Variants in ZRANB3 observed in about 807,000 individuals in gnomAD.
ZRANB3 encodes the protein zinc finger RANBP2-type containing 3.
A neutral mutation model predicts 133.8 loss-of-function variants in ZRANB3; 125 were observed. That is an observed-to-expected ratio of 0.93 (90% CI 0.81 to 1.08). The LOEUF (loss-of-function observed/expected upper bound fraction) is 1.08, where lower values mean the gene tolerates loss of function less well. Among genes scored for constraint, ZRANB3 ranks in the 50% least tolerant of loss-of-function variants. The pLI is 0.00. For missense variants in ZRANB3, 1,229 were observed against 1,275.5 expected (o/e 0.96, Z 0.56); for synonymous variants, 387 against 432.7 (o/e 0.89, Z 1.31).
At chr2:135,382,131 T>C (rs1009820661) in intron 3 of ZRANB3, among the ~76,000 whole-genome samples, 4 of 151,952 alleles carry the variant, frequency 2.6e-5, no homozygotes, top group African/African-American at 9.7e-5. Context: ...GAATAACCAA[T>C]GCAGAGAAGT....
intron 8 of ZRANB3, among the ~76,000 whole-genome samples, chr2:135,309,671 T>C (rs1682880112): frequency 6.6e-6 from 1 of 152,122 alleles, no homozygotes. Flanking sequence ...TGGATAAATC[T>C]AACAAAATGT....
intron 3 of ZRANB3, among the ~76,000 whole-genome samples, chr2:135,374,015 T>G (rs573732365): frequency 6.6e-6 from 1 of 152,090 alleles, no homozygotes; most frequent in Non-Finnish European, 1.5e-5. Context: ...TGGTCCAGTG[T>G]GATGTAAACA....
intron 13 of ZRANB3, chr2:135,228,396 A>C (rs989551048): frequency 6.0e-6 from 1 of 167,142 alleles, no homozygotes; most frequent in Non-Finnish European, 1.3e-5. Flanking sequence ...GAGGAGTCCC[A>C]TTTGAGCTGA....
intron 5 of ZRANB3, 59 bp from the exon 6 acceptor site, chr2:135,345,694 AATG>A: frequency 8.1e-7 from 1 of 1,241,782 alleles, no homozygotes; most frequent in East Asian, 2.5e-5. Context: ...TTATTATTAC[AATG>A]ATAAAACCAT....
At chr2:135,469,694 T>C (rs1232470584) in intron 2 of ZRANB3, among the ~76,000 whole-genome samples, 2 of 152,028 alleles carry the variant, frequency 1.3e-5, no homozygotes, top group Non-Finnish European at 2.9e-5. Context: ...CCAAACAATA[T>C]TTTGGATAAT....
At chr2:135,394,532 A>G (rs1687388266) in intron 2 of ZRANB3, among the ~76,000 whole-genome samples, 1 of 152,154 alleles carries the variant, frequency 6.6e-6, no homozygotes, top group Non-Finnish European at 1.5e-5. Context: ...TCAAGAGACT[A>G]GATGTGATCA....
intron 2 of ZRANB3, among the ~76,000 whole-genome samples, chr2:135,493,172 T>G (rs1425603270): frequency 1.4e-5 from 1 of 69,350 alleles, no homozygotes; most frequent in Non-Finnish European, 3.0e-5. Context: ...TATATATATA[T>G]AAATAGAAAA....
At chr2:135,297,053 A>C (rs542025874) in intron 8 of ZRANB3, among the ~76,000 whole-genome samples, 1 of 152,336 alleles carries the variant, frequency 6.6e-6, no homozygotes, top group Admixed American at 6.5e-5. Flanking sequence ...CAGTCTGCCC[A>C]TTCTCAGATC....
chr2:135,209,122 G>A, intron 17 of ZRANB3, 144 bp from the exon 18 acceptor site: 8 of 655,668 alleles, frequency 1.2e-5, no homozygotes, highest in South Asian at 3.1e-5. Flanking sequence ...GTTAGAAAAT[G>A]GAATTTTTAC....
intron 2 of ZRANB3, among the ~76,000 whole-genome samples, chr2:135,403,264 G>A (rs1305362914): frequency 2.0e-5 from 3 of 152,154 alleles, no homozygotes; most frequent in Non-Finnish European, 4.4e-5. Context: ...CTAATACTGT[G>A]CTTTTCTAAC....
At chr2:135,465,953 T>C (rs1690971016) in intron 2 of ZRANB3, among the ~76,000 whole-genome samples, 3 of 152,044 alleles carry the variant, frequency 2.0e-5, no homozygotes, top group Non-Finnish European at 4.4e-5. Flanking sequence ...AATAACAAAA[T>C]AAATTTGATG....
chr2:135,210,533 T>A (rs1195337891), intron 17 of ZRANB3, among the ~76,000 whole-genome samples: 1 of 152,128 alleles, frequency 6.6e-6, no homozygotes, highest in Non-Finnish European at 1.5e-5. Flanking sequence ...GAATTTGCCA[T>A]GTTGGCCAGG....
At chr2:135,326,232 T>C (rs945285975) in intron 6 of ZRANB3, among the ~76,000 whole-genome samples, 2 of 152,178 alleles carry the variant, frequency 1.3e-5, no homozygotes, top group African/African-American at 4.8e-5. Flanking sequence ...AAATTAAATA[T>C]GTTTTATGTG....
chr2:135,318,310 C>G (rs1411475057), intron 6 of ZRANB3, among the ~76,000 whole-genome samples: 1 of 148,194 alleles, frequency 6.7e-6, no homozygotes, highest in Non-Finnish European at 1.5e-5. Flanking sequence ...GGAAACATTC[C>G]TAACTTTAGG....
At chr2:135,400,639 G>A (rs938801928) in intron 2 of ZRANB3, among the ~76,000 whole-genome samples, 1 of 152,136 alleles carries the variant, frequency 6.6e-6, no homozygotes, top group Non-Finnish European at 1.5e-5. Flanking sequence ...ACTTTCTTTA[G>A]GTCACTAATT....
At chr2:135,463,899 C>T (rs1690873949) in intron 2 of ZRANB3, among the ~76,000 whole-genome samples, 1 of 152,174 alleles carries the variant, frequency 6.6e-6, no homozygotes, top group Non-Finnish European at 1.5e-5. Context: ...CAATCAAGTA[C>T]ATTGACCCTG....
intron 3 of ZRANB3, among the ~76,000 whole-genome samples, chr2:135,378,609 T>C (rs1350845668): frequency 1.3e-5 from 2 of 152,118 alleles, no homozygotes; most frequent in Non-Finnish European, 2.9e-5. Context: ...AATGAGTAAC[T>C]ATACAGTAAC....
At chr2:135,430,247 G>A (rs1689261205) in intron 2 of ZRANB3, among the ~76,000 whole-genome samples, 1 of 151,992 alleles carries the variant, frequency 6.6e-6, no homozygotes, top group South Asian at 2.1e-4. Flanking sequence ...GGTCTGGAAA[G>A]ATTCATTTCT....
rs201270111 is a variant in ZRANB3, at chr2:135,412,651, T to C, written c.162-21831A>G. On this transcript the variant is annotated intron_variant, in intron 2 of 20. Transcript: ENST00000264159. ...GTGTAAAAGCTAATGTGTGAAATAATGGCTCAGTGGGAATTATTATACATC... is the reference window on the plus strand; with the variant it reads ...GTGTAAAAGCTAATGTGTGAAATAACGGCTCAGTGGGAATTATTATACATC... 2.0e-5 allele frequency among the ~76,000 whole-genome samples: 3 copies of C among 152,116 alleles called. No individual in the cohort carries two copies. In the East Asian group the frequency reaches 5.8e-4, roughly 29 times the overall value.
Sources: gnomAD v4.1 joint callset for allele counts (sites outside exome capture counted in the v4.1 genomes callset) on GRCh38, gnomAD v4.1.1 for gene constraint, MANE v1.5 for transcripts, NCBI Gene and HGNC (gene_info 2026-07-23, HGNC 2026-07-21) for gene names.